CARMIL3: variants seen among roughly 807,000 people sequenced by gnomAD.
CARMIL3 encodes capping protein, Arp2/3 and myosin-I linker protein 3.
In CARMIL3, 88 loss-of-function variants were observed where a neutral mutation model predicts 180.8. That is an observed-to-expected ratio of 0.49 (90% CI 0.41 to 0.58). CARMIL3 has a LOEUF of 0.58. Among genes scored for constraint, CARMIL3 ranks in the 20% least tolerant of loss-of-function variants. CARMIL3 has a pLI of 0.00. For synonymous variants in CARMIL3, 696 were observed against 714.5 expected, an observed-to-expected ratio of 0.97 and a Z score of 0.41; for missense variants, 1,548 against 1,787.0, an observed-to-expected ratio of 0.87 and a Z score of 2.41.
chr14:24,065,424 A>G (rs117952075), intron 33 of CARMIL3, 151 bp downstream of exon 33: 25,583 of 1,057,104 alleles, frequency 0.024, 378 homozygotes, highest in Non-Finnish European at 0.027. Context: ...TTGAGAGTGG[A>G]CTAAGACCCA....
chr14:24,069,611 T>G lies in CARMIL3; in HGVS notation c.*207T>G. 2 of 603,228 alleles carry G rather than the reference T, an allele frequency of 3.3e-6. No individual in the cohort carries two copies. Among genetic ancestry groups the G allele is most frequent in the Non-Finnish European group, 5.8e-6 (2 of 345,136 alleles). 37.4% of individuals were successfully genotyped at this position (603,228 alleles called of 1,614,324 possible). A position where few individuals can be genotyped will look rare whatever the true frequency, so the allele number is the denominator to read the frequency against. ...GGCTGTCAGTGCCTGCCTCGATACC[T>G]CTCTCTGCAGAGAGCTTCTGGGTGG... On this transcript the variant is annotated 3_prime_UTR_variant, in exon 40 of 40. Transcript: ENST00000342740.
rs1594547410 is a variant in CARMIL3 at position 24,055,370 on chromosome 14, C to G, written c.605+60C>G. ...TCCCAAATTCAGCCCAACCCCAGCC[C>G]TTCCCAGGAGTGCCCTTCTGGTCCC... On this transcript the variant is annotated intron_variant, in intron 8 of 39. Transcript: ENST00000342740. The G allele has an allele frequency of 1.9e-6, 3 of 1,589,226 alleles. No homozygotes were observed. The East Asian group carries it at 6.7e-5, about 36-fold the overall frequency.
In CARMIL3 at chr14:24,063,116, G is replaced by T; in HGVS notation, c.2707-4G>T. On this transcript the variant is annotated splice_polypyrimidine_tract_variant and splice_region_variant and intron_variant, in intron 29 of 39. Transcript: ENST00000342740. ...GGCCCTGCCACTCGTCTTCATTTCT[G>T]CAGGACACCATGGCCATCAAAAAGC... The T allele has an allele frequency of 1.2e-6, 2 of 1,612,100 alleles. No homozygotes were observed. Among genetic ancestry groups the T allele is most frequent in the Non-Finnish European group, 1.7e-6 (2 of 1,178,302 alleles).
intron 9 of CARMIL3, 34 bp from the exon 10 acceptor site, chr14:24,055,657 TGCCCCCCTTG>T (rs2035664453): frequency 6.2e-7 from 1 of 1,613,652 alleles, no homozygotes; most frequent in East Asian, 2.2e-5. Flanking sequence ...GGAGAAGTAG[TGCCCCCCTTG>T]GCCCCTGATC....
intron 2 of CARMIL3, 45 bp downstream of exon 2, chr14:24,053,848 G>C: frequency 6.5e-7 from 1 of 1,538,914 alleles, no homozygotes; most frequent in Non-Finnish European, 8.9e-7. Context: ...GGCTGGCAAG[G>C]GCAGCTGGCC....
At chr14:24,060,116 C>T in intron 23 of CARMIL3, 41 bp from the exon 24 acceptor site, 1 of 1,613,694 alleles carries the variant, frequency 6.2e-7, no homozygotes, top group Non-Finnish European at 8.5e-7. Flanking sequence ...GGGGGCAGCC[C>T]CCATCCCCAG....
chr14:24,065,357 G>C, intron 33 of CARMIL3, 84 bp downstream of exon 33: 1 of 1,297,694 alleles, frequency 7.7e-7, no homozygotes, highest in Admixed American at 3.1e-5. Context: ...AAGCTTAATG[G>C]GAGAATGCTA....
rs1280516890 is a variant in CARMIL3, at chr14:24,052,184, G to A, written c.31G>A (p.Glu11Lys). The A allele has an allele frequency of 3.8e-6, 6 of 1,592,326 alleles. No homozygotes were observed. The highest frequency in any genetic ancestry group is 3.4e-6 in the Non-Finnish European group (4 of 1,173,606). MAKPSVELTR[E>K]LQDSIRRCLS... ...CAAGCCCAGCGTGGAGCTCACCCGCGAGTTGCAAGGTACGAGGCTGCCTCG... is the reference window on the plus strand; with the variant it reads ...CAAGCCCAGCGTGGAGCTCACCCGCAAGTTGCAAGGTACGAGGCTGCCTCG... The change falls in exon 1 of 40, where the codon GAG becomes AAG. Residue 11 changes from glutamate to lysine, a missense_variant. Glu to Lys is a moderately conservative substitution (Grantham distance 56, BLOSUM62 1). Coordinates refer to ENST00000342740, the MANE Select transcript of CARMIL3 (RefSeq NM_138360.4).
At position 24,054,768 on chromosome 14, in the gene CARMIL3, C is replaced by G. The variant is rs1005100482; in HGVS notation, c.420C>G (p.Pro140=). 74 of 1,614,032 alleles carry G rather than the reference C, an allele frequency of 4.6e-5. No homozygotes were observed. Among genetic ancestry groups the G allele is most frequent in the Non-Finnish European group, 6.2e-5 (73 of 1,180,022 alleles). ...CAGAGGGGCCCCGAGATACATCCCC[C>G]AACTCTGAGACTTCCACATCTACCA... ...DTPEGPRDTS[P]NSETSTSTTH... Residue 140 remains proline (P), a synonymous_variant, in exon 6 of 40, where the codon CCC becomes CCG. Coordinates refer to ENST00000342740, the MANE Select transcript of CARMIL3 (RefSeq NM_138360.4). The surrounding 1 kb of genome is among the most constrained non-coding windows in gnomAD (Gnocchi z 5.1).
Position 24,054,981 on chromosome 14 carries a change from T to A in CARMIL3, c.461-85T>A. Reference sequence around the variant, plus strand: ...AGCAAGAACCAAGAGCACTGGCACATAAAGTGACCTTGACTGTTCTTGAAC... The same window carrying A: ...AGCAAGAACCAAGAGCACTGGCACAAAAAGTGACCTTGACTGTTCTTGAAC... On this transcript the variant is annotated intron_variant, in intron 6 of 39. Coordinates refer to ENST00000342740, the MANE Select transcript of CARMIL3 (RefSeq NM_138360.4). The surrounding 1 kb of genome is among the most constrained non-coding windows in gnomAD (Gnocchi z 5.1). 6.7e-7 allele frequency: 1 copy of A among 1,496,034 alleles called. No individual in the cohort carries two copies. The highest frequency in any genetic ancestry group is 9.3e-7 in the Non-Finnish European group (1 of 1,079,780). The allele number at this position is 1,496,034 out of a possible 1,614,324, so 92.7% of individuals were successfully genotyped here.
At position 24,054,893 on chromosome 14, in the gene CARMIL3, G is replaced by T; in HGVS notation, c.460+85G>T. 6.8e-7 allele frequency: 1 copy of T among 1,461,208 alleles called. No homozygotes were observed. Among genetic ancestry groups the T allele is most frequent in the Non-Finnish European group, 9.5e-7 (1 of 1,057,438 alleles). The allele number at this position is 1,461,208 out of a possible 1,614,324, so 90.5% of individuals were successfully genotyped here. On this transcript the variant is annotated intron_variant, in intron 6 of 39. Transcript: ENST00000342740. The surrounding 1 kb of genome is among the most constrained non-coding windows in gnomAD (Gnocchi z 5.1). ...CCCTTTGTGCACAGGGTGTTGCCTG[G>T]GCGGGCGGGCTTTGCCTGCCTGAAG... is the stretch of plus-strand genomic sequence containing the variant.
chr14:24,057,731 A>AG, intron 14 of CARMIL3, 72 bp from the exon 15 acceptor site: 1 of 1,318,394 alleles, frequency 7.6e-7, no homozygotes, highest in Non-Finnish European at 1.1e-6. Flanking sequence ...ATGGGGAGGG[A>AG]GGGGGAGTCC....
chr14:24,062,402 C>G, intron 27 of CARMIL3, 78 bp from the exon 28 acceptor site: 1 of 1,321,226 alleles, frequency 7.6e-7, no homozygotes. Flanking sequence ...TCTCAGGCTT[C>G]TGGGAGAGGG....
At position 24,058,261 on chromosome 14, in the gene CARMIL3, G is replaced by A. The variant is rs111291037; in HGVS notation, c.1392+37G>A. 2.8e-3 allele frequency: 4,408 copies of A among 1,592,236 alleles called. 95 individuals carry two copies. The African/African-American group carries it at 0.052, about 19-fold the overall frequency. On this transcript the variant is annotated intron_variant, in intron 17 of 39. Coordinates refer to ENST00000342740, the MANE Select transcript of CARMIL3 (RefSeq NM_138360.4). The surrounding 1 kb of genome is among the most constrained non-coding windows in gnomAD (Gnocchi z 6.4). Reference sequence around the variant, plus strand: ...GTCCCCAACCCCTCTGCCCGCCTCCGATCCATGTGCATTTCTCAGACCTAA... The same window carrying A: ...GTCCCCAACCCCTCTGCCCGCCTCCAATCCATGTGCATTTCTCAGACCTAA...
rs1566539637 is a variant in CARMIL3 at position 24,057,798 on chromosome 14, CA to C, written c.1141-4del. 6.2e-7 allele frequency: 1 copy of C among 1,608,032 alleles called. No homozygotes were observed. The highest frequency in any genetic ancestry group is 8.5e-7 in the Non-Finnish European group (1 of 1,179,360). ...CCCTGAGACCCACCATATCTCCCCC[CA>C]CAGCTTCTCGGTGCCCTGCTCCACG... On this transcript the variant is annotated splice_polypyrimidine_tract_variant and splice_region_variant and intron_variant, in intron 14 of 39. Coordinates refer to ENST00000342740, the MANE Select transcript of CARMIL3 (RefSeq NM_138360.4).
chr14:24,053,565 C>T, intron 1 of CARMIL3, 144 bp from the exon 2 acceptor site: 1 of 589,942 alleles, frequency 1.7e-6, no homozygotes, highest in East Asian at 3.0e-5. Flanking sequence ...GAAGGAATGC[C>T]CTCTGTCCCT....
At position 24,056,424 on chromosome 14, in the gene CARMIL3, C is replaced by T. The variant is rs547428325; in HGVS notation, c.865+31C>T. 41 of 1,595,708 alleles carry T rather than the reference C, an allele frequency of 2.6e-5. No individual in the cohort carries two copies. The East Asian group carries it at 8.8e-4, about 34-fold the overall frequency. On this transcript the variant is annotated intron_variant, in intron 11 of 39. Coordinates refer to ENST00000342740, the MANE Select transcript of CARMIL3 (RefSeq NM_138360.4). Reference sequence around the variant, plus strand: ...CCCCAGCCCTGAATCCTGTCCCCATCCCAATGCAGACCCCTGTCCTAGCCC... The same window carrying T: ...CCCCAGCCCTGAATCCTGTCCCCATTCCAATGCAGACCCCTGTCCTAGCCC...
chr14:24,068,685 C>A lies in CARMIL3; in HGVS notation c.3784C>A (p.Pro1262Thr), dbSNP rs1290638626. ...GACCCTCTTCCCAGAGAGGACACTT[C>A]CAGCTAGGAATGCCAAGGTGAGAGC... The part of the protein sequence containing the change: ...EGTLFPERTL[P>T]ARNAKLQDPA... The change falls in exon 37 of 40, where the codon CCA becomes ACA. Residue 1262 changes from proline (P) to threonine (T), a missense_variant. Coordinates refer to ENST00000342740, the MANE Select transcript of CARMIL3 (RefSeq NM_138360.4). The A allele has an allele frequency of 6.2e-7, 1 of 1,613,502 alleles. No individual in the cohort carries two copies. The highest frequency in any genetic ancestry group is 1.3e-5 in the African/African-American group (1 of 74,910).
In CARMIL3 at chr14:24,059,096, A is replaced by G; in HGVS notation, c.1572-39A>G. 1 of 1,586,060 alleles carries G rather than the reference A, an allele frequency of 6.3e-7. No homozygotes were observed. The highest frequency in any genetic ancestry group is 8.6e-7 in the Non-Finnish European group (1 of 1,166,304). On this transcript the variant is annotated intron_variant, in intron 19 of 39. Coordinates refer to ENST00000342740, the MANE Select transcript of CARMIL3 (RefSeq NM_138360.4). The surrounding 1 kb of genome is among the most constrained non-coding windows in gnomAD (Gnocchi z 6.3). ...TCTCCTCCTCCAATAGCATGACCCCAGCCCTTCCCCTCCTACTCTGAGCCC... is the reference window on the plus strand; with the variant it reads ...TCTCCTCCTCCAATAGCATGACCCCGGCCCTTCCCCTCCTACTCTGAGCCC...
Sources: gnomAD v4.1 joint callset for allele counts on GRCh38, gnomAD v4.1.1 for gene constraint, Gnocchi (gnomAD v3.1) non-coding constraint, MANE v1.5 for transcripts, NCBI Gene and HGNC (gene_info 2026-07-23, HGNC 2026-07-21) for gene names.